RARB: variants seen among roughly 807,000 people sequenced by gnomAD.
RARB encodes HBV-activated protein.
Under a neutral mutation model 51.9 loss-of-function variants are expected in RARB, and 17 were observed. The observed-to-expected ratio is 0.33, with a 90% CI of 0.22 to 0.49. RARB has a LOEUF of 0.49. RARB is among the 20% of genes least tolerant of loss of function. RARB has a pLI of 0.99. For synonymous variants in RARB, 215 were observed against 195.4 expected (o/e 1.10, Z -0.84); for missense variants, 369 against 550.8 (o/e 0.67, Z 3.30).
At chr3:25,224,691 T>C (rs1228239256) in intron 5 of RARB, among the ~76,000 whole-genome samples, 2 of 152,146 alleles carry the variant, frequency 1.3e-5, no homozygotes, top group African/African-American at 4.8e-5. Context: ...CACTGTAACC[T>C]CAACCTCCTG....
At position 25,572,928 on chromosome 3, in the gene RARB, G is replaced by A. The variant is rs139413307; in HGVS notation, c.609+3010G>A. ...TGGAGGAGGGCAGGACAAACACAACGTACAGCATTTGCCGCTCCTGGAACA... is the reference window on the plus strand; with the variant it reads ...TGGAGGAGGGCAGGACAAACACAACATACAGCATTTGCCGCTCCTGGAACA... On this transcript the variant is annotated intron_variant, in intron 4 of 7. Coordinates refer to ENST00000330688, the MANE Select transcript of RARB (RefSeq NM_000965.5). Among the ~76,000 whole-genome samples the A allele has an allele frequency of 8.1e-4, 124 of 152,200 alleles. 1 individual carries two copies. The highest frequency in any genetic ancestry group is 2.8e-3 in the African/African-American group (118 of 41,526).
At chr3:25,473,925 A>AAAAAAAAAC (rs1553620199) in intron 2 of RARB, among the ~76,000 whole-genome samples, 10 of 150,490 alleles carry the variant, frequency 6.6e-5, no homozygotes, top group African/African-American at 2.2e-4. Context: ...TGGCAGGAAA[A>AAAAAAAAAC]AAAAAAAACC....
chr3:24,994,269 TTTTTCTATATATTTGTTGATCAC>T (rs2125437041), intron 2 of RARB, among the ~76,000 whole-genome samples: 1 of 151,614 alleles, frequency 6.6e-6, no homozygotes, highest in Non-Finnish European at 1.5e-5. Flanking sequence ...ATGTTGGTCA[TTTTTCTATATATTTGTTGATCAC>T]TTGTTTGACT....
At chr3:25,235,730 A>G (rs1424982412) in intron 5 of RARB, among the ~76,000 whole-genome samples, 1 of 152,214 alleles carries the variant, frequency 6.6e-6, no homozygotes, top group Non-Finnish European at 1.5e-5. Flanking sequence ...GCGAGCACAC[A>G]TACACAAACA....
intron 2 of RARB, among the ~76,000 whole-genome samples, chr3:24,949,058 G>T (rs1252328666): frequency 1.3e-5 from 2 of 152,202 alleles, no homozygotes; most frequent in Non-Finnish European, 2.9e-5. Context: ...GACATATTCT[G>T]TTCCTGCTGA....
At chr3:25,325,437 C>T (rs1704686212) in intron 5 of RARB, among the ~76,000 whole-genome samples, 1 of 152,126 alleles carries the variant, frequency 6.6e-6, no homozygotes, top group Middle Eastern at 3.2e-3. Context: ...GAACGGCTAA[C>T]CTCCTGGGAA....
intron 2 of RARB, among the ~76,000 whole-genome samples, chr3:24,919,905 T>C (rs760546821): frequency 6.6e-6 from 1 of 152,134 alleles, no homozygotes; most frequent in Non-Finnish European, 1.5e-5. Context: ...AAGTCCAAAA[T>C]GGCAAAATGA....
At chr3:25,142,791 C>A (rs977662277) in intron 4 of RARB, among the ~76,000 whole-genome samples, 1 of 152,052 alleles carries the variant, frequency 6.6e-6, no homozygotes, top group Non-Finnish European at 1.5e-5. Context: ...CTATAGCTGG[C>A]AGGTCTGAGT....
intron 2 of RARB, among the ~76,000 whole-genome samples, chr3:24,904,466 C>A (rs1387108733): frequency 6.6e-6 from 1 of 152,130 alleles, no homozygotes; most frequent in Non-Finnish European, 1.5e-5. Flanking sequence ...AATGAGATAC[C>A]ATCTGACACC....
At chr3:25,566,199 A>T (rs1360247459) in intron 3 of RARB, among the ~76,000 whole-genome samples, 2 of 152,096 alleles carry the variant, frequency 1.3e-5, no homozygotes, top group East Asian at 3.9e-4. Flanking sequence ...AGAGTTTAAA[A>T]CCATTGAGGG....
At chr3:24,952,345 CT>C (rs1382570963) in intron 2 of RARB, among the ~76,000 whole-genome samples, 3 of 152,090 alleles carry the variant, frequency 2.0e-5, no homozygotes, top group Non-Finnish European at 4.4e-5. Flanking sequence ...TTACCCCCAA[CT>C]TTTATACCAC....
intron 3 of RARB, among the ~76,000 whole-genome samples, chr3:25,519,566 A>G (rs953382144): frequency 2.6e-5 from 4 of 152,210 alleles, no homozygotes; most frequent in Non-Finnish European, 4.4e-5. Flanking sequence ...TAAGTTAGAA[A>G]GTATAAAACA....
chr3:25,047,279 G>C (rs1368646203), intron 2 of RARB, among the ~76,000 whole-genome samples: 1 of 152,108 alleles, frequency 6.6e-6, no homozygotes, highest in Non-Finnish European at 1.5e-5. Flanking sequence ...AGTCAGCTGA[G>C]TAATTATGTA....
chr3:25,314,204 T>C (rs1704361594), intron 5 of RARB, among the ~76,000 whole-genome samples: 1 of 152,182 alleles, frequency 6.6e-6, no homozygotes, highest in Non-Finnish European at 1.5e-5. Flanking sequence ...TTTTATTAGT[T>C]AACTGTTGAG....
rs769275874 is a variant in RARB, at chr3:24,989,774, C to CTTTTTTTTTTTTTTT, written c.-379-70329_-379-70315dup. 1.0e-3 allele frequency among the ~76,000 whole-genome samples: 30 copies of CTTTTTTTTTTTTTTT among 29,532 alleles called. 7 individuals carry two copies. Among genetic ancestry groups the CTTTTTTTTTTTTTTT allele is most frequent in the Non-Finnish European group, 1.2e-3 (20 of 16,226 alleles). The allele number at this position is 29,532 out of a possible 152,430, so 19.4% of individuals were successfully genotyped here. A position where few individuals can be genotyped will look rare whatever the true frequency, so the allele number is the denominator to read the frequency against. ...ATTTTAACTGTTGTCATATGTTTTTCTTTTTTTTTTTTTTTTTTTTTTTTT... is the reference window on the plus strand; with the variant it reads ...ATTTTAACTGTTGTCATATGTTTTTCTTTTTTTTTTTTTTTTTTTTTTTTTTTTTTTTTTTTTTTT... On this transcript the variant is annotated intron_variant, in intron 2 of 11. Transcript: ENST00000383772.
At chr3:25,296,365 A>G (rs1459899299) in intron 5 of RARB, among the ~76,000 whole-genome samples, 5 of 152,150 alleles carry the variant, frequency 3.3e-5, no homozygotes, top group Non-Finnish European at 7.3e-5. Context: ...ATCTATGTCC[A>G]TGGGAAATGA....
intron 3 of RARB, among the ~76,000 whole-genome samples, chr3:25,119,893 A>G (rs1338674567): frequency 6.6e-6 from 1 of 152,146 alleles, no homozygotes; most frequent in African/African-American, 2.4e-5. Context: ...AAGTGAGATA[A>G]CATGTGAGAC....
In RARB at chr3:24,989,795, T is replaced by A. The variant is rs1282690033; in HGVS notation, c.-379-70330T>A. 9.6e-5 allele frequency among the ~76,000 whole-genome samples: 3 copies of A among 31,348 alleles called. 1 individual carries two copies. Among genetic ancestry groups the A allele is most frequent in the Non-Finnish European group, 1.7e-4 (3 of 17,378 alleles). The allele number at this position is 31,348 out of a possible 152,430, so 20.6% of individuals were successfully genotyped here. On this transcript the variant is annotated intron_variant, in intron 2 of 11. Coordinates refer to the RARB transcript ENST00000383772. Reference sequence around the variant, plus strand: ...TTTTCTTTTTTTTTTTTTTTTTTTTTTTTTTTTTTTTTTTTGAGACGGAGT... The same window carrying A: ...TTTTCTTTTTTTTTTTTTTTTTTTTATTTTTTTTTTTTTTTGAGACGGAGT...
At chr3:25,263,281 C>A (rs1703051216) in intron 5 of RARB, among the ~76,000 whole-genome samples, 2 of 152,220 alleles carry the variant, frequency 1.3e-5, no homozygotes, top group South Asian at 4.1e-4. Context: ...TTCATTTAGT[C>A]TTTACAACAG....
Sources: gnomAD v4.1 joint callset for allele counts (sites outside exome capture counted in the v4.1 genomes callset) on GRCh38, gnomAD v4.1.1 for gene constraint, MANE v1.5 for transcripts, NCBI Gene and HGNC (gene_info 2026-07-23, HGNC 2026-07-21) for gene names.